Variants in CEP55 observed in about 807,000 individuals in gnomAD.
CEP55 encodes centrosomal protein of 55 kDa.
In CEP55, 57 loss-of-function variants were observed where a neutral mutation model predicts 63.2. The observed-to-expected ratio is 0.90, with a 90% confidence interval of 0.73 to 1.13. CEP55 has a LOEUF of 1.13. Among genes scored for constraint, CEP55 ranks in the 50% most tolerant of loss-of-function variants. CEP55 has a pLI of 0.00. For missense variants in CEP55, 456 were observed against 518.9 expected, an observed-to-expected ratio of 0.88 and a Z score of 1.18; for synonymous variants, 178 against 191.6, an observed-to-expected ratio of 0.93 and a Z score of 0.59.
chr10:93,528,133 G>A lies in CEP55; in HGVS notation c.1375G>A (p.Val459Met). Reference protein sequence around the residue: ...ATEHRDLLVHVEYCSK With the variant: ...ATEHRDLLVHMEYCSK ...TGAGCATCGCGATCTGCTTGTCCAT[G>A]TGGAATACTGTTCAAAGTAGCAAAA... Residue 459 changes from valine (V) to methionine (M), a missense_variant, in exon 9 of 9, where the codon GTG becomes ATG. Transcript: ENST00000371485. The A allele has an allele frequency of 6.2e-7, 1 of 1,613,832 alleles. No homozygotes were observed. The highest frequency in any genetic ancestry group is 8.5e-7 in the Non-Finnish European group (1 of 1,179,800).
chr10:93,497,647 T>G (rs1462848701), intron 1 of CEP55, among the ~76,000 whole-genome samples: 1 of 149,460 alleles, frequency 6.7e-6, no homozygotes, highest in East Asian at 2.0e-4. Context: ...AGTGCAGTCC[T>G]TGAAAAAATA....
At chr10:93,527,138 C>G (rs1201609069) in intron 8 of CEP55, among the ~76,000 whole-genome samples, 1 of 152,076 alleles carries the variant, frequency 6.6e-6, no homozygotes, top group Admixed American at 6.6e-5. Flanking sequence ...TATCCACCCT[C>G]TTCACTGTGC....
chr10:93,517,304 A>C, intron 6 of CEP55, 56 bp downstream of exon 6: 2 of 1,414,798 alleles, frequency 1.4e-6, no homozygotes, highest in Non-Finnish European at 1.9e-6. Context: ...TCTAAGTGTC[A>C]GGGACTATTT....
rs775113037 is a variant in CEP55 at position 93,518,983 on chromosome 10, C to A, written c.1065+35C>A. ...CGGGTTGCTTCTAAATTCAATTCTG[C>A]CTGTTAGAAAATGCAGTTTTTCCTC... is the stretch of plus-strand genomic sequence containing the variant. On this transcript the variant is annotated intron_variant, in intron 7 of 8. Coordinates refer to ENST00000371485, the MANE Select transcript of CEP55 (RefSeq NM_018131.5). 1.8e-5 allele frequency: 28 copies of A among 1,536,344 alleles called. No homozygotes were observed. The African/African-American group carries it at 3.3e-4, about 18-fold the overall frequency.
chr10:93,518,959 G>C lies in CEP55; in HGVS notation c.1065+11G>C. ...CTGTTGGAACAACAGGTACTCATTC[G>C]GGTTGCTTCTAAATTCAATTCTGCC... is the stretch of plus-strand genomic sequence containing the variant. On this transcript the variant is annotated intron_variant, in intron 7 of 8. Transcript: ENST00000371485. 6.2e-7 allele frequency: 1 copy of C among 1,607,252 alleles called. No homozygotes were observed. The highest frequency in any genetic ancestry group is 8.5e-7 in the Non-Finnish European group (1 of 1,173,868).
intron 3 of CEP55, 25 bp downstream of exon 3, chr10:93,503,413 G>A (rs1393380081): frequency 1.3e-6 from 2 of 1,580,986 alleles, no homozygotes; most frequent in Non-Finnish European, 1.7e-6. Flanking sequence ...TTTAAACCCA[G>A]ATTTTTTTTT....
At position 93,517,241 on chromosome 10, in the gene CEP55, TATCTC is replaced by T; in HGVS notation, c.988_992del (p.Ser330GlyfsTer33). On this transcript the variant is annotated frameshift_variant and splice_region_variant, in exon 6 of 9. Transcript: ENST00000371485. LOFTEE classifies it high-confidence loss of function. ...GAGAAGAAGAGATCCGAAGAGCTCT[TATCTC>T]AGGTAAACTTAACCAGATCCATAAT... 1 of 1,591,402 alleles carries T rather than the reference TATCTC, an allele frequency of 6.3e-7. No individual in the cohort carries two copies. Among genetic ancestry groups the T allele is most frequent in the Non-Finnish European group, 8.5e-7 (1 of 1,169,768 alleles).
intron 3 of CEP55, among the ~76,000 whole-genome samples, chr10:93,506,013 T>G (rs1476275480): frequency 2.0e-5 from 3 of 152,024 alleles, no homozygotes; most frequent in Admixed American, 6.6e-5. Flanking sequence ...ATTACAGGCA[T>G]AAGCCTGATC....
Position 93,496,727 on chromosome 10 carries a change from C to G in CEP55, c.-209C>G, listed in dbSNP as rs2057572590. 6.6e-6 allele frequency: 1 copy of G among 152,298 alleles called. No individual in the cohort carries two copies. Among genetic ancestry groups the G allele is most frequent in the African/African-American group, 2.4e-5 (1 of 41,470 alleles). The allele number at this position is 152,298 out of a possible 1,614,324, so 9.4% of individuals were successfully genotyped here. On this transcript the variant is annotated 5_prime_UTR_variant, in exon 1 of 9. Coordinates refer to ENST00000371485, the MANE Select transcript of CEP55 (RefSeq NM_018131.5). The stretch of plus-strand genomic sequence containing the variant: ...GGCGACCGCGGAGGGTGGCGAGGGG[C>G]GGCCAGGACCCGCAGCCCCGGGGCC...
chr10:93,527,084 A>T (rs1397517758), intron 8 of CEP55, among the ~76,000 whole-genome samples: 4 of 10,454 alleles, frequency 3.8e-4, no homozygotes, highest in African/African-American at 5.6e-4. Context: ...AAGTATAATT[A>T]AAAAAAAAAA....
At chr10:93,500,538 A>C (rs1191647101) in intron 2 of CEP55, among the ~76,000 whole-genome samples, 1 of 152,184 alleles carries the variant, frequency 6.6e-6, no homozygotes, top group African/African-American at 2.4e-5. Context: ...CACCTTTAAC[A>C]TGGTCTGTTT....
intron 1 of CEP55, among the ~76,000 whole-genome samples, chr10:93,497,724 G>C (rs1298231526): frequency 1.3e-5 from 2 of 151,952 alleles, no homozygotes; most frequent in Non-Finnish European, 2.9e-5. Context: ...TGTAGGGGTG[G>C]GGGTGGGGCA....
At chr10:93,509,377 G>C (rs1030711101) in intron 4 of CEP55, among the ~76,000 whole-genome samples, 1 of 152,100 alleles carries the variant, frequency 6.6e-6, no homozygotes, top group Non-Finnish European at 1.5e-5. Flanking sequence ...AATATACTAG[G>C]TCTGGGGTAG....
intron 2 of CEP55, among the ~76,000 whole-genome samples, chr10:93,501,107 T>G (rs2057631183): frequency 6.6e-6 from 1 of 152,224 alleles, no homozygotes; most frequent in African/African-American, 2.4e-5. Flanking sequence ...GAGTATTAAA[T>G]AGTGTTCAGA....
At chr10:93,519,460 T>C (rs183356242) in intron 7 of CEP55, among the ~76,000 whole-genome samples, 1 of 152,362 alleles carries the variant, frequency 6.6e-6, no homozygotes, top group African/African-American at 2.4e-5. Context: ...AAGCTGCTCT[T>C]CATTCACCTA....
chr10:93,515,503 G>A lies in CEP55; in HGVS notation c.627G>A (p.Thr209=), dbSNP rs748165271. 8 of 1,613,778 alleles carry A rather than the reference G, an allele frequency of 5.0e-6. No homozygotes were observed. Among genetic ancestry groups the A allele is most frequent in the South Asian group, 4.4e-5 (4 of 91,066 alleles). The change falls in exon 5 of 9, where the codon ACG becomes ACA. Residue 209 remains threonine, a synonymous_variant. Transcript: ENST00000371485. ...AGATCTTTGAGTTGGAAAAGAAAAC[G>A]GAAACAGCTGCTCATTCACTCCCAC... is the stretch of plus-strand genomic sequence containing the variant. The part of the protein sequence containing the change: ...LAKIFELEKK[T]ETAAHSLPQQ...
In CEP55 at chr10:93,516,918, A is replaced by G. The variant is rs753746765; in HGVS notation, c.680-17A>G. ...TATTTTATAAAGTGAGTTGTGCCGT[A>G]ATGTTGTTTGTCATAGGTTATCTTC... is the stretch of plus-strand genomic sequence containing the variant. On this transcript the variant is annotated splice_polypyrimidine_tract_variant and intron_variant, in intron 5 of 8. Transcript: ENST00000371485. 2 of 1,522,138 alleles carry G rather than the reference A, an allele frequency of 1.3e-6. No individual in the cohort carries two copies. The highest frequency in any genetic ancestry group is 1.8e-6 in the Non-Finnish European group (2 of 1,124,296). The allele number at this position is 1,522,138 out of a possible 1,614,324, so 94.3% of individuals were successfully genotyped here.
chr10:93,514,886 C>G (rs1295950222), intron 4 of CEP55, among the ~76,000 whole-genome samples: 1 of 152,198 alleles, frequency 6.6e-6, no homozygotes, highest in Non-Finnish European at 1.5e-5. Context: ...GATTCTCCTG[C>G]CTCAGCCTCC....
intron 8 of CEP55, among the ~76,000 whole-genome samples, chr10:93,526,909 G>A (rs1177605054): frequency 1.3e-5 from 2 of 152,022 alleles, no homozygotes; most frequent in Non-Finnish European, 2.9e-5. Context: ...CAGGAAGGGG[G>A]ACATCACACC....
Sources: gnomAD v4.1 joint callset for allele counts (sites outside exome capture counted in the v4.1 genomes callset) on GRCh38, gnomAD v4.1.1 for gene constraint, MANE v1.5 for transcripts, NCBI Gene and HGNC (gene_info 2026-07-23, HGNC 2026-07-21) for gene names.